HMCN2: variants seen among roughly 807,000 people sequenced by gnomAD.
HMCN2 encodes hemicentin-2.
In HMCN2, 325 loss-of-function variants were observed where a neutral mutation model predicts 377.5. The ratio of observed to expected loss-of-function variants is 0.86; its 90% CI spans 0.79 to 0.94. The LOEUF (loss-of-function observed/expected upper bound fraction) is 0.94, where lower values mean the gene tolerates loss of function less well. Among genes scored for constraint, HMCN2 ranks in the 40% least tolerant of loss-of-function variants. The pLI, the probability that HMCN2 is intolerant of heterozygous loss-of-function variation, is 0.00. For synonymous variants in HMCN2, 2,007 were observed against 2,046.8 expected (o/e 0.98, Z 0.53); for missense variants, 4,543 against 4,725.3 (o/e 0.96, Z 1.13).
chr9:130,397,388 T>C (rs1842658077), intron 73 of HMCN2, 140 bp from the exon 74 acceptor site: 1 of 721,102 alleles, frequency 1.4e-6, no homozygotes. Context: ...CAAGATGAGA[T>C]TTGGGTGGAG....
chr9:130,344,338 A>G (rs1366951852), intron 25 of HMCN2, among the ~76,000 whole-genome samples: 1 of 150,170 alleles, frequency 6.7e-6, no homozygotes, highest in Non-Finnish European at 1.5e-5. Context: ...TTCTGTGTGT[A>G]TGTGATGTGT....
At chr9:130,406,912 C>T (rs1372143839) in intron 82 of HMCN2, 1 of 153,674 alleles carries the variant, frequency 6.5e-6, no homozygotes, top group African/African-American at 2.4e-5. Context: ...CTGTATTCCT[C>T]TCCTAGAGGT....
At chr9:130,298,110 C>T (rs1461470649) in intron 7 of HMCN2, among the ~76,000 whole-genome samples, 1 of 152,170 alleles carries the variant, frequency 6.6e-6, no homozygotes, top group Non-Finnish European at 1.5e-5. Context: ...GCGCGCTACA[C>T]ACCTGGCTAA....
chr9:130,353,097 C>G lies in HMCN2; in HGVS notation c.4756C>G (p.Arg1586Gly), dbSNP rs368161226. The G allele has an allele frequency of 6.1e-6, 8 of 1,304,220 alleles. No individual in the cohort carries two copies. Among genetic ancestry groups the G allele is most frequent in the Non-Finnish European group, 8.1e-6 (8 of 988,926 alleles). The allele number at this position is 1,304,220 out of a possible 1,614,324, so 80.8% of individuals were successfully genotyped here. A position where few individuals can be genotyped will look rare whatever the true frequency, so the allele number is the denominator to read the frequency against. ...CAAGGTGGTCTACACTAGGGGCGGT[C>G]GGCAGTTGCAGCTGGGGAGGGCCCA... is the stretch of plus-strand genomic sequence containing the variant. ...STKVVYTRGG[R>G]QLQLGRAQSS... The change falls in exon 31 of 98, where the codon CGG (arginine) becomes GGG (glycine). Residue 1586 changes from arginine (R) to glycine (G), a missense_variant. Coordinates refer to ENST00000683500, the MANE Select transcript of HMCN2 (RefSeq NM_001291815.2).
In HMCN2 at chr9:130,393,949, C is replaced by G. The variant is rs146202281; in HGVS notation, c.10442C>G (p.Ser3481Cys). ...GGAGCTGGTGACTCGGGGACCTACTCCTGTGTGGCCGTGAGCGAGGCGGGG... is the reference window on the plus strand; with the variant it reads ...GGAGCTGGTGACTCGGGGACCTACTGCTGTGTGGCCGTGAGCGAGGCGGGG... Reference protein sequence around the residue: ...AVGAGDSGTYSCVAVSEAGEA... With the variant: ...AVGAGDSGTYCCVAVSEAGEA... Residue 3481 changes from serine to cysteine, a missense_variant, in exon 68 of 98, where the codon TCC becomes TGC. By Grantham distance (112) the Ser-to-Cys change is moderately radical. Coordinates refer to ENST00000683500, the MANE Select transcript of HMCN2 (RefSeq NM_001291815.2). The surrounding 1 kb of genome is among the most constrained non-coding windows in gnomAD (Gnocchi z 5.2). The G allele has an allele frequency of 2.3e-6, 3 of 1,287,866 alleles. No individual in the cohort carries two copies. The highest frequency in any genetic ancestry group is 1.5e-5 in the African/African-American group (1 of 65,774). 79.8% of individuals were successfully genotyped at this position (1,287,866 alleles called of 1,614,324 possible). A position where few individuals can be genotyped will look rare whatever the true frequency, so the allele number is the denominator to read the frequency against.
chr9:130,333,790 G>A (rs1838563619), intron 22 of HMCN2, among the ~76,000 whole-genome samples: 1 of 152,200 alleles, frequency 6.6e-6, no homozygotes, highest in Admixed American at 6.5e-5. Context: ...GGCTGCCCTC[G>A]AAACCCCAGG....
Position 130,422,713 on chromosome 9 carries a change from C to T in HMCN2, c.13368C>T (p.Val4456=). 1 of 1,282,706 alleles carries T rather than the reference C, an allele frequency of 7.8e-7. No individual in the cohort carries two copies. Among genetic ancestry groups the T allele is most frequent in the Non-Finnish European group, 9.9e-7 (1 of 1,005,980 alleles). 79.5% of individuals were successfully genotyped at this position (1,282,706 alleles called of 1,614,324 possible). A position where few individuals can be genotyped will look rare whatever the true frequency, so the allele number is the denominator to read the frequency against. ...GCATCCACAGCAGCATCCGCCATGT[C>T]CCAGCAAACGTGGGTGAGTGGAAGG... ...VSSIHSSIRH[V]PANVGPLMRV... Residue 4456 remains valine (V), a synonymous_variant, in exon 87 of 98, where the codon GTC becomes GTT. Transcript: ENST00000683500. This position sits in a 1 kb window ranked among gnomAD's most constrained non-coding sequence, Gnocchi z 4.2.
rs1844890117 is a variant in HMCN2, at chr9:130,433,458, G to A, written c.15005G>A (p.Arg5002His). ...LGVRAHHDVA[R>H]LTAFSEVGVP... ...GTGCGCGCCCACCACGACGTGGCCC[G>A]CCTCACCGCCTTCTCCGAGGTCGGC... Residue 5002 changes from arginine (R) to histidine (H), a missense_variant, in exon 98 of 98, where the codon CGC (arginine) becomes CAC (histidine). This residue lies in a region of HMCN2 where 1,155 missense variants were observed against 1,157.7 expected (regional missense o/e 1.00). Coordinates refer to ENST00000683500, the MANE Select transcript of HMCN2 (RefSeq NM_001291815.2). The A allele has an allele frequency of 6.0e-6, 9 of 1,499,292 alleles. No individual in the cohort carries two copies. Among genetic ancestry groups the A allele is most frequent in the South Asian group, 1.2e-5 (1 of 80,014 alleles). 92.9% of individuals were successfully genotyped at this position (1,499,292 alleles called of 1,614,324 possible). A position where few individuals can be genotyped will look rare whatever the true frequency, so the allele number is the denominator to read the frequency against.
chr9:130,367,199 T>A (rs896671591), intron 43 of HMCN2, among the ~76,000 whole-genome samples: 1 of 151,690 alleles, frequency 6.6e-6, no homozygotes, highest in Non-Finnish European at 1.5e-5. Flanking sequence ...GCAGATATGG[T>A]GGAAAGACCT....
chr9:130,400,662 A>T, intron 76 of HMCN2, 121 bp from the exon 77 acceptor site: 1 of 554,574 alleles, frequency 1.8e-6, no homozygotes. Flanking sequence ...CTCTGTTGCC[A>T]CCTCCCTCCT....
At chr9:130,289,182 C>T (rs1173931436) in intron 4 of HMCN2, among the ~76,000 whole-genome samples, 2 of 152,180 alleles carry the variant, frequency 1.3e-5, no homozygotes, top group African/African-American at 4.8e-5. Flanking sequence ...TCCTCTGCAT[C>T]CCCCACCCCA....
chr9:130,398,776 G>A (rs1842731465), intron 75 of HMCN2, 69 bp downstream of exon 75: 2 of 1,230,014 alleles, frequency 1.6e-6, no homozygotes, highest in African/African-American at 1.5e-5. Context: ...TTCTCACGGG[G>A]GCATGGGGCA....
intron 28 of HMCN2, 82 bp from the exon 29 acceptor site, chr9:130,349,455 T>C (rs1839576530): frequency 1.6e-6 from 2 of 1,250,974 alleles, no homozygotes; most frequent in Admixed American, 2.5e-5. Context: ...GGCTGGGGGG[T>C]CTGCACAGAC....
chr9:130,337,637 G>A (rs1838823838), intron 22 of HMCN2, among the ~76,000 whole-genome samples: 1 of 152,212 alleles, frequency 6.6e-6, no homozygotes, highest in South Asian at 2.1e-4. Context: ...CAGCTAGGAA[G>A]GATTTAGAGT....
intron 90 of HMCN2, among the ~76,000 whole-genome samples, chr9:130,426,765 T>TTC (rs1255625252): frequency 1.3e-5 from 2 of 152,094 alleles, no homozygotes; most frequent in East Asian, 3.9e-4. Context: ...TTGTGATTTT[T>TTC]TTTTTTTTTT....
chr9:130,308,542 A>G lies in HMCN2; in HGVS notation c.2200+976A>G, dbSNP rs1289900022. 6.6e-6 allele frequency among the ~76,000 whole-genome samples: 1 copy of G among 152,098 alleles called. No individual in the cohort carries two copies. Among genetic ancestry groups the G allele is most frequent in the Non-Finnish European group, 1.5e-5 (1 of 68,026 alleles). On this transcript the variant is annotated intron_variant, in intron 14 of 97. Transcript: ENST00000683500. The surrounding 1 kb of genome is among the most constrained non-coding windows in gnomAD (Gnocchi z 4.1). ...ACTGTCCCCTCCCATTCCTTGCAGC[A>G]GCTGCCTGGGACCTCATCAGAGCCT... is the stretch of plus-strand genomic sequence containing the variant.
Position 130,433,880 on chromosome 9 carries a change from C to A in HMCN2, c.*187C>A, listed in dbSNP as rs1270765778. On this transcript the variant is annotated 3_prime_UTR_variant, in exon 98 of 98. Transcript: ENST00000683500. ...CCCCGACAGCGAGGACCTGACCTCA[C>A]AGAGGGAGGCGTCCAGGGCGGCCCT... 2 of 541,134 alleles carry A rather than the reference C, an allele frequency of 3.7e-6. No individual in the cohort carries two copies. The highest frequency in any genetic ancestry group is 8.5e-5 in the Admixed American group (2 of 23,572). 33.5% of individuals were successfully genotyped at this position (541,134 alleles called of 1,614,324 possible). A position where few individuals can be genotyped will look rare whatever the true frequency, so the allele number is the denominator to read the frequency against.
At chr9:130,328,704 C>G (rs894530263) in intron 22 of HMCN2, among the ~76,000 whole-genome samples, 1 of 152,130 alleles carries the variant, frequency 6.6e-6, no homozygotes, top group African/African-American at 2.4e-5. Context: ...GACCCGGTGC[C>G]GAACTGCCTG....
Position 130,418,960 on chromosome 9 carries a change from A to T in HMCN2, c.13150A>T (p.Thr4384Ser). Residue 4384 changes from threonine to serine, a missense_variant, in exon 86 of 98, where the codon ACT becomes TCT. Physicochemically the swap from Thr to Ser is moderately conservative, Grantham distance 58. Coordinates refer to ENST00000683500, the MANE Select transcript of HMCN2 (RefSeq NM_001291815.2). ...GAGCCTGTGGCTGGAGAACGTGGAG[A>T]CTGGGGATGCAGGCACCTACGACTG... is the stretch of plus-strand genomic sequence containing the variant. ...DGSLWLENVETGDAGTYDCVA... is the reference protein window; with the variant it reads ...DGSLWLENVESGDAGTYDCVA... The T allele has an allele frequency of 6.5e-7, 1 of 1,532,736 alleles. No individual in the cohort carries two copies. Among genetic ancestry groups the T allele is most frequent in the Non-Finnish European group, 8.8e-7 (1 of 1,137,454 alleles). The allele number at this position is 1,532,736 out of a possible 1,614,324, so 94.9% of individuals were successfully genotyped here. A position where few individuals can be genotyped will look rare whatever the true frequency, so the allele number is the denominator to read the frequency against.
Sources: allele counts gnomAD v4.1 joint callset (sites outside exome capture counted in the v4.1 genomes callset), GRCh38; gene constraint gnomAD v4.1.1; regional missense constraint gnomAD v4.1.1; non-coding constraint Gnocchi (gnomAD v3.1); transcripts MANE v1.5; gene names NCBI Gene and HGNC (gene_info 2026-07-23, HGNC 2026-07-21).